CCBE1: variants seen among roughly 807,000 people sequenced by gnomAD.
The protein encoded by CCBE1 is collagen and calcium-binding EGF domain-containing protein 1.
Under a neutral mutation model 50.0 loss-of-function variants are expected in CCBE1, and 37 were observed. The observed-to-expected ratio is 0.74, with a 90% CI of 0.57 to 0.97. The LOEUF is 0.97. CCBE1 is among the 50% of genes least tolerant of loss of function. The pLI, the probability that CCBE1 is intolerant of heterozygous loss-of-function variation, is 0.00. For missense variants in CCBE1, 538 were observed against 523.8 expected (o/e 1.03, Z -0.26); for synonymous variants, 234 against 203.7 (o/e 1.15, Z -1.27).
chr18:59,480,697 T>C lies in CCBE1; in HGVS notation c.213-459A>G, dbSNP rs115337123. ...TAATTGTAATATAACAATAATTAGG[T>C]AGTCAACTATTAAGACCAAGACTGG... is the stretch of plus-strand genomic sequence containing the variant. On this transcript the variant is annotated intron_variant, in intron 2 of 10. Transcript: ENST00000439986. 9.9e-3 allele frequency among the ~76,000 whole-genome samples: 1,514 copies of C among 152,214 alleles called. 25 individuals carry two copies. Among genetic ancestry groups the C allele is most frequent in the African/African-American group, 0.035 (1,436 of 41,538 alleles).
intron 2 of CCBE1, among the ~76,000 whole-genome samples, chr18:59,565,312 C>T (rs949696923): frequency 1.3e-5 from 2 of 152,224 alleles, no homozygotes; most frequent in African/African-American, 4.8e-5. Flanking sequence ...AACAGGGCTC[C>T]AACCAATGGC....
At chr18:59,638,017 A>G (rs1246194374) in intron 2 of CCBE1, among the ~76,000 whole-genome samples, 2 of 151,436 alleles carry the variant, frequency 1.3e-5, no homozygotes, top group Admixed American at 1.3e-4. Flanking sequence ...ACAAAACCAA[A>G]GACACCATGA....
chr18:59,577,129 A>T lies in CCBE1; in HGVS notation c.213-96891T>A, dbSNP rs12606720. Among the ~76,000 whole-genome samples, 299 of 152,236 alleles carry T rather than the reference A, an allele frequency of 2.0e-3. 4 individuals are homozygous for T. In the East Asian group the frequency reaches 0.03, roughly 15 times the overall value. ...AGTGTTTGCGGTGGGTCTGTTTCTG[A>T]GAGTGTTTAGCTGTCTTGGATGTGG... On this transcript the variant is annotated intron_variant, in intron 2 of 10. Transcript: ENST00000439986.
chr18:59,690,660 T>C (rs2054717837), intron 2 of CCBE1, among the ~76,000 whole-genome samples: 1 of 152,242 alleles, frequency 6.6e-6, no homozygotes, highest in South Asian at 2.1e-4. Context: ...GGATCTGATC[T>C]CAAAGGACAC....
chr18:59,659,195 GATT>G (rs577602142), intron 2 of CCBE1, among the ~76,000 whole-genome samples: 224 of 152,216 alleles, frequency 1.5e-3, no homozygotes, highest in African/African-American at 5.2e-3. Context: ...AAGTACTGAG[GATT>G]ATGTTACTGG....
At chr18:59,615,155 G>GTC (rs2053620470) in intron 2 of CCBE1, among the ~76,000 whole-genome samples, 1 of 152,218 alleles carries the variant, frequency 6.6e-6, no homozygotes, top group Admixed American at 6.5e-5. Flanking sequence ...GAGCCTCCTA[G>GTC]TCTCCCTCTG....
chr18:59,643,826 C>T (rs775453766), intron 2 of CCBE1, among the ~76,000 whole-genome samples: 4 of 13,480 alleles, frequency 3.0e-4, no homozygotes, highest in Non-Finnish European at 5.6e-4. Context: ...TCTCAGAATG[C>T]GGGGTGGGGG....
intron 2 of CCBE1, among the ~76,000 whole-genome samples, chr18:59,566,165 A>G (rs2052823444): frequency 6.6e-6 from 1 of 152,238 alleles, no homozygotes. Flanking sequence ...GAAATCAATC[A>G]GATGCATGGT....
At chr18:59,662,177 A>G (rs9948915) in intron 2 of CCBE1, among the ~76,000 whole-genome samples, 63,096 of 152,068 alleles carry the variant, frequency 0.41, 14,371 homozygotes, top group African/African-American at 0.61. Flanking sequence ...ACAAGACAGA[A>G]CTGCACAGAC....
At chr18:59,530,594 T>C (rs1372893062) in intron 2 of CCBE1, among the ~76,000 whole-genome samples, 2 of 152,236 alleles carry the variant, frequency 1.3e-5, no homozygotes, top group African/African-American at 4.8e-5. Flanking sequence ...ACTGATAAGA[T>C]ATCTGCTCCC....
rs77228524 is a variant in CCBE1, at chr18:59,446,454, C to T, written c.775+1529G>A. Among the ~76,000 whole-genome samples, 1,455 of 152,274 alleles carry T rather than the reference C, an allele frequency of 9.6e-3. 83 individuals are homozygous for T. In the East Asian group the frequency reaches 0.16, roughly 17 times the overall value. On this transcript the variant is annotated intron_variant, in intron 7 of 10. Coordinates refer to ENST00000439986, the MANE Select transcript of CCBE1 (RefSeq NM_133459.4). ...AGAGGGTGCCTGTGTGAAGTGTTTG[C>T]TGGTGAAAACTCCACCATGACCCGG... is the stretch of plus-strand genomic sequence containing the variant.
chr18:59,450,036 T>C (rs984227093), intron 6 of CCBE1, among the ~76,000 whole-genome samples: 4 of 152,198 alleles, frequency 2.6e-5, no homozygotes, highest in African/African-American at 7.2e-5. Flanking sequence ...CCCCACTTTC[T>C]GCATAAACAC....
At chr18:59,579,947 G>C (rs950186779) in intron 2 of CCBE1, among the ~76,000 whole-genome samples, 2 of 152,134 alleles carry the variant, frequency 1.3e-5, no homozygotes, top group Non-Finnish European at 2.9e-5. Context: ...ACAGCATTAA[G>C]AATAAATCAC....
chr18:59,452,170 G>A (rs76679647), intron 6 of CCBE1, among the ~76,000 whole-genome samples: 2,151 of 152,278 alleles, frequency 0.014, 61 homozygotes, highest in African/African-American at 0.049. Flanking sequence ...TTTAAACACC[G>A]TTTCATGCTG....
intron 6 of CCBE1, 42 bp downstream of exon 6, chr18:59,454,809 C>T (rs1911104653): frequency 6.5e-7 from 1 of 1,531,436 alleles, no homozygotes; most frequent in Non-Finnish European, 9.1e-7. Context: ...GCCAAGCCCT[C>T]CTTCCATCAG....
At chr18:59,439,418 G>T in intron 9 of CCBE1, 125 bp downstream of exon 9, 1 of 1,182,390 alleles carries the variant, frequency 8.5e-7, no homozygotes, top group Admixed American at 1.7e-5. Context: ...AATGAGCCAA[G>T]ATTGTGCCAT....
chr18:59,470,843 G>A (rs893621751), intron 3 of CCBE1, among the ~76,000 whole-genome samples: 7 of 152,158 alleles, frequency 4.6e-5, no homozygotes, highest in Middle Eastern at 3.2e-3. Context: ...GTGAACGGGT[G>A]GGCTGTCAGC....
chr18:59,538,457 C>T (rs1410964147), intron 2 of CCBE1, among the ~76,000 whole-genome samples: 1 of 152,174 alleles, frequency 6.6e-6, no homozygotes, highest in Non-Finnish European at 1.5e-5. Flanking sequence ...CTGATGTCTC[C>T]CAAACTTGCC....
chr18:59,549,055 A>G (rs2144408330), intron 2 of CCBE1, among the ~76,000 whole-genome samples: 1 of 150,072 alleles, frequency 6.7e-6, no homozygotes, highest in South Asian at 2.1e-4. Context: ...GTGAGCCAAG[A>G]TCATGCCACT....
Sources: allele counts gnomAD v4.1 joint callset (sites outside exome capture counted in the v4.1 genomes callset), GRCh38; gene constraint gnomAD v4.1.1; transcripts MANE v1.5; gene names NCBI Gene and HGNC (gene_info 2026-07-23, HGNC 2026-07-21).